The following LRP12 variants were observed in gnomAD, a reference collection of about 807,000 sequenced individuals.
The protein encoded by LRP12 is LDL receptor related protein 12.
LRP12 carries 14 observed loss-of-function variants against 66.0 expected under a neutral mutation model. That is an observed-to-expected ratio of 0.21 (90% CI 0.14 to 0.33). The LOEUF is 0.33. LRP12 is among the 10% of genes least tolerant of loss of function. The probability of loss-of-function intolerance (pLI) is 1.00; values close to 1 mark genes in which losing one functional copy is unlikely to be tolerated. For synonymous variants in LRP12, 357 were observed against 359.1 expected, an observed-to-expected ratio of 0.99 and a Z score of 0.07; for missense variants, 889 against 1,053.4, an observed-to-expected ratio of 0.84 and a Z score of 2.16.
Position 104,526,363 on chromosome 8 carries a change from C to T in LRP12, c.136+5544G>A, listed in dbSNP as rs923467176. 4.0e-5 allele frequency among the ~76,000 whole-genome samples: 6 copies of T among 151,574 alleles called. No homozygotes were observed. The East Asian group carries it at 7.8e-4, about 20-fold the overall frequency. ...GTTCATATGGAACCAAAAAAGAGCC[C>T]GCATCGCCAAGTCAATCCTAAGCCA... On this transcript the variant is annotated intron_variant, in intron 2 of 6. Transcript: ENST00000276654.
rs1377934500 is a variant in LRP12, at chr8:104,554,807, C to T, written c.80-22844G>A. ...GTGATTCATCATAAAAAGATCATCA[C>T]CTAGGCACACAGTCATCAGGTTATC... On this transcript the variant is annotated intron_variant, in intron 1 of 6. Coordinates refer to ENST00000276654, the MANE Select transcript of LRP12 (RefSeq NM_013437.5). 2.0e-5 allele frequency among the ~76,000 whole-genome samples: 3 copies of T among 152,066 alleles called. No individual in the cohort carries two copies. In the East Asian group the frequency reaches 5.8e-4, roughly 29 times the overall value.
At chr8:104,556,021 G>A (rs546458860) in intron 1 of LRP12, among the ~76,000 whole-genome samples, 1 of 152,240 alleles carries the variant, frequency 6.6e-6, no homozygotes, top group South Asian at 2.1e-4. Context: ...TCAAACCCAT[G>A]CAAATGGATG....
chr8:104,490,729 A>G lies in LRP12; in HGVS notation c.2524T>C (p.Leu842=), dbSNP rs555432467. The G allele has an allele frequency of 6.2e-7, 1 of 1,614,046 alleles. No homozygotes were observed. Among genetic ancestry groups the G allele is most frequent in the East Asian group, 2.2e-5 (1 of 44,874 alleles). The change falls in exon 7 of 7, where the codon TTA becomes CTA. Residue 842 remains leucine (L), a synonymous_variant. Transcript: ENST00000276654. ...GTTTCGTTTTTCAGTGTTACTTCTA[A>G]GCAAGTGTCTGGTATCTGGGCAGTG... ...VHTAQIPDTC[L]EVTLKNETSD...
At chr8:104,587,947 ACTTAATTAT>A (rs1481804304) in intron 1 of LRP12, among the ~76,000 whole-genome samples, 1 of 152,192 alleles carries the variant, frequency 6.6e-6, no homozygotes, top group African/African-American at 2.4e-5. Context: ...CAGAAGTGTA[ACTTAATTAT>A]CTTAAGAGAT....
chr8:104,548,213 A>G (rs1811641846), intron 1 of LRP12, among the ~76,000 whole-genome samples: 1 of 100,274 alleles, frequency 1.0e-5, no homozygotes, highest in Non-Finnish European at 1.7e-5. Context: ...ATATATTTAT[A>G]TTAATATATG....
intron 3 of LRP12, chr8:104,506,667 G>C (rs1429292418): frequency 6.6e-6 from 1 of 152,170 alleles, no homozygotes; most frequent in Non-Finnish European, 1.5e-5. Flanking sequence ...TCAGCCTCCT[G>C]TCTGGAGCAA....
At chr8:104,583,155 A>G (rs1477383960) in intron 1 of LRP12, among the ~76,000 whole-genome samples, 1 of 152,156 alleles carries the variant, frequency 6.6e-6, no homozygotes, top group Admixed American at 6.5e-5. Context: ...CTTCACAACA[A>G]TACTCCACAT....
chr8:104,574,879 C>G (rs145954920), intron 1 of LRP12, among the ~76,000 whole-genome samples: 108 of 152,106 alleles, frequency 7.1e-4, no homozygotes, highest in African/African-American at 2.4e-3. Flanking sequence ...ACACTTGAGG[C>G]TCACATTATA....
chr8:104,532,336 C>A (rs540465572), intron 1 of LRP12, among the ~76,000 whole-genome samples: 131 of 147,952 alleles, frequency 8.9e-4, no homozygotes, highest in African/African-American at 3.2e-3. Flanking sequence ...AGCCACAAGT[C>A]GGTGTAATAT....
In LRP12 at chr8:104,497,385, A is replaced by AT; in HGVS notation, c.1166dup (p.Tyr389Ter). 6.2e-7 allele frequency: 1 copy of AT among 1,614,022 alleles called. No homozygotes were observed. Among genetic ancestry groups the AT allele is most frequent in the Non-Finnish European group, 8.5e-7 (1 of 1,179,956 alleles). ...EIPCGGNWGCYTEQQRCDGYW... is the reference protein window; with the variant it reads ...EIPCGGNWGC ...ACCCATCACAACGCTGCTGCTCAGT[A>AT]TAACACCCCCAGTTACCTCCACAGG... The change falls in exon 5 of 7, where the codon TAT (tyrosine) becomes TAAT (stop). Residue 389 changes from tyrosine (Y) to a stop codon, truncating the protein, a stop_gained and frameshift_variant. Transcript: ENST00000276654. LOFTEE classifies it high-confidence loss of function. The surrounding 1 kb of genome is among the most constrained non-coding windows in gnomAD (Gnocchi z 4.3).
At chr8:104,577,754 T>C (rs1240075344) in intron 1 of LRP12, among the ~76,000 whole-genome samples, 1 of 140,896 alleles carries the variant, frequency 7.1e-6, no homozygotes, top group African/African-American at 2.7e-5. Flanking sequence ...GAGCTTGCAG[T>C]GAGCCAAGAC....
At chr8:104,529,960 A>G (rs528793162) in intron 2 of LRP12, among the ~76,000 whole-genome samples, 2 of 152,312 alleles carry the variant, frequency 1.3e-5, no homozygotes, top group South Asian at 4.1e-4. Flanking sequence ...CAAACAAAAC[A>G]TGATGTTGCA....
rs188013439 is a variant in LRP12, at chr8:104,512,252, G to A, written c.137-3178C>T. The stretch of plus-strand genomic sequence containing the variant: ...GAATTGCTTGAACCTGAGAGGCGGA[G>A]GCTGCAGTAAGCTGAGATCGTGCCA... On this transcript the variant is annotated intron_variant, in intron 2 of 6. Coordinates refer to ENST00000276654, the MANE Select transcript of LRP12 (RefSeq NM_013437.5). Among the ~76,000 whole-genome samples the A allele has an allele frequency of 1.2e-4, 19 of 152,278 alleles. No individual in the cohort carries two copies. In the East Asian group the frequency reaches 3.5e-3, roughly 28 times the overall value.
At chr8:104,498,630 T>C (rs1024974313) in intron 4 of LRP12, among the ~76,000 whole-genome samples, 3 of 152,188 alleles carry the variant, frequency 2.0e-5, no homozygotes, top group Non-Finnish European at 4.4e-5. Context: ...CAGTCTATCA[T>C]TGATGGGCAT....
intron 6 of LRP12, among the ~76,000 whole-genome samples, chr8:104,494,167 A>C (rs181465182): frequency 3.9e-5 from 6 of 152,272 alleles, no homozygotes; most frequent in Non-Finnish European, 5.9e-5. Context: ...CTAAAAAAAA[A>C]CTTTCCCCAT....
intron 1 of LRP12, among the ~76,000 whole-genome samples, chr8:104,585,128 A>G (rs1331123691): frequency 6.6e-6 from 1 of 152,248 alleles, no homozygotes; most frequent in East Asian, 1.9e-4. Flanking sequence ...TACGACTATC[A>G]AATGCTCTGG....
At chr8:104,564,541 G>C (rs1811964779) in intron 1 of LRP12, among the ~76,000 whole-genome samples, 1 of 151,950 alleles carries the variant, frequency 6.6e-6, no homozygotes, top group South Asian at 2.1e-4. Context: ...TGAGAGTAGG[G>C]GACAGGGCAG....
chr8:104,561,157 G>T (rs1300396083), intron 1 of LRP12, among the ~76,000 whole-genome samples: 2 of 152,068 alleles, frequency 1.3e-5, no homozygotes, highest in African/African-American at 4.8e-5. Flanking sequence ...ACAAAACAAC[G>T]TTATTTGAAA....
At chr8:104,546,923 T>C (rs994030762) in intron 1 of LRP12, among the ~76,000 whole-genome samples, 2 of 144,912 alleles carry the variant, frequency 1.4e-5, no homozygotes, top group East Asian at 1.9e-4. Context: ...TAATTATATA[T>C]AATTATATAT....
Sources: allele counts gnomAD v4.1 joint callset (sites outside exome capture counted in the v4.1 genomes callset), GRCh38; gene constraint gnomAD v4.1.1; non-coding constraint Gnocchi (gnomAD v3.1); transcripts MANE v1.5; gene names NCBI Gene and HGNC (gene_info 2026-07-23, HGNC 2026-07-21).